The following SEMA5A variants were observed in gnomAD, a reference collection of about 807,000 sequenced individuals.
SEMA5A encodes semaphorin-5A.
Under a neutral mutation model 135.5 loss-of-function variants are expected in SEMA5A, and 55 were observed. That is an observed-to-expected ratio of 0.41 (90% CI 0.33 to 0.51). The LOEUF is 0.51. SEMA5A is among the 20% of genes least tolerant of loss of function. The pLI is 0.37. For missense variants in SEMA5A, 1,290 were observed against 1,419.9 expected, an observed-to-expected ratio of 0.91 and a Z score of 1.47; for synonymous variants, 580 against 546.5, an observed-to-expected ratio of 1.06 and a Z score of -0.85.
At chr5:9,162,564 G>GTGTATATATATATA (rs1331354641) in intron 11 of SEMA5A, among the ~76,000 whole-genome samples, 14 of 84,048 alleles carry the variant, frequency 1.7e-4, no homozygotes, top group African/African-American at 4.7e-4. Context: ...GTGTGTGTGT[G>GTGTATATATATATA]TATATATATA....
intron 5 of SEMA5A, among the ~76,000 whole-genome samples, chr5:9,267,780 G>A (rs570877464): frequency 1.0e-3 from 152 of 152,250 alleles, no homozygotes; most frequent in African/African-American, 3.5e-3. Flanking sequence ...GGGCATGGGC[G>A]AAGTGGATAA....
chr5:9,059,171 CTT>C (rs4002250), intron 18 of SEMA5A, among the ~76,000 whole-genome samples: 2 of 145,492 alleles, frequency 1.4e-5, no homozygotes, highest in African/African-American at 2.5e-5. Context: ...ATTTTCTTTT[CTT>C]TTTTTTTTTT....
intron 12 of SEMA5A, among the ~76,000 whole-genome samples, chr5:9,139,916 T>C (rs984321462): frequency 6.6e-6 from 1 of 152,214 alleles, no homozygotes; most frequent in African/African-American, 2.4e-5. Flanking sequence ...TTTGGCTCCC[T>C]ATCCTTTATC....
rs1045718626 is a variant in SEMA5A at position 9,178,059 on chromosome 5, G to C, written c.1273+12208C>G. ...ACAAAATTGATGTCTCATGGTGACA[G>C]AACTTGGATTTATTCCTCAAAAAAA... On this transcript the variant is annotated intron_variant, in intron 11 of 22. Coordinates refer to ENST00000382496, the MANE Select transcript of SEMA5A (RefSeq NM_003966.3). Among the ~76,000 whole-genome samples, 3 of 152,252 alleles carry C rather than the reference G, an allele frequency of 2.0e-5. No homozygotes were observed. The East Asian group carries it at 5.8e-4, about 29-fold the overall frequency.
chr5:9,116,838 T>C (rs567181123), intron 15 of SEMA5A, among the ~76,000 whole-genome samples: 2 of 152,334 alleles, frequency 1.3e-5, no homozygotes, highest in Admixed American at 1.3e-4. Flanking sequence ...CTTTTATATT[T>C]CTTAGGTGAA....
intron 5 of SEMA5A, among the ~76,000 whole-genome samples, chr5:9,241,184 T>C: frequency 6.6e-6 from 1 of 152,146 alleles, no homozygotes. Context: ...GATTCCTGTT[T>C]GCAGTAAGTT....
intron 15 of SEMA5A, among the ~76,000 whole-genome samples, chr5:9,112,233 A>C (rs1005268355): frequency 2.6e-5 from 4 of 152,110 alleles, no homozygotes; most frequent in African/African-American, 9.7e-5. Context: ...TAAATTATCC[A>C]CTTTTTTTCA....
intron 16 of SEMA5A, among the ~76,000 whole-genome samples, chr5:9,103,530 T>C (rs1258972442): frequency 6.6e-6 from 1 of 152,184 alleles, no homozygotes; most frequent in Non-Finnish European, 1.5e-5. Flanking sequence ...CTTTTGTATC[T>C]AGGAAATAAA....
intron 2 of SEMA5A, among the ~76,000 whole-genome samples, chr5:9,431,700 A>G (rs894028447): frequency 2.4e-4 from 37 of 152,074 alleles, no homozygotes; most frequent in African/African-American, 8.9e-4. Context: ...TGCCCTCAGG[A>G]AAGTTCTGCC....
rs1561103887 is a variant in SEMA5A at position 9,052,045 on chromosome 5, AG to A, written c.2690-18del. The A allele has an allele frequency of 6.4e-7, 1 of 1,563,648 alleles. No homozygotes were observed. The highest frequency in any genetic ancestry group is 2.3e-5 in the East Asian group (1 of 43,748). ...ACCAGCTCTCTGCAGAGACCAGAAA[AG>A]GGGAGATGGGGCGGAATGGCCAGTA... On this transcript the variant is annotated intron_variant, in intron 19 of 22. Coordinates refer to ENST00000382496, the MANE Select transcript of SEMA5A (RefSeq NM_003966.3).
intron 16 of SEMA5A, among the ~76,000 whole-genome samples, chr5:9,074,078 C>G (rs1737913730): frequency 6.6e-6 from 1 of 152,048 alleles, no homozygotes; most frequent in Admixed American, 6.6e-5. Flanking sequence ...GGAAGACATA[C>G]TTTCTAACTT....
chr5:9,351,865 T>C (rs1172355967), intron 3 of SEMA5A, among the ~76,000 whole-genome samples: 1 of 152,246 alleles, frequency 6.6e-6, no homozygotes, highest in Non-Finnish European at 1.5e-5. Context: ...TTGCATTGGC[T>C]TTCTCTGTCT....
chr5:9,185,455 C>A (rs956149298), intron 11 of SEMA5A, among the ~76,000 whole-genome samples: 1 of 152,100 alleles, frequency 6.6e-6, no homozygotes. Context: ...AACAATGATT[C>A]AAAATGTGTG....
chr5:9,068,720 T>C (rs1347142507), intron 16 of SEMA5A, among the ~76,000 whole-genome samples: 4 of 152,310 alleles, frequency 2.6e-5, no homozygotes, highest in South Asian at 2.1e-4. Context: ...TGTGGATTCC[T>C]AAGCTCTCTG....
Position 9,184,892 on chromosome 5 carries a change from C to G in SEMA5A, c.1273+5375G>C, listed in dbSNP as rs1744723182. Among the ~76,000 whole-genome samples the G allele has an allele frequency of 2.0e-5, 3 of 152,100 alleles. No individual in the cohort carries two copies. In the South Asian group the frequency reaches 6.2e-4, roughly 32 times the overall value. On this transcript the variant is annotated intron_variant, in intron 11 of 22. Coordinates refer to ENST00000382496, the MANE Select transcript of SEMA5A (RefSeq NM_003966.3). ...AGGGATGCAGAGAAGGAAGCTCAGCCCAGGCTCCCTCTTTGTTGAAGGTCT... is the reference window on the plus strand; with the variant it reads ...AGGGATGCAGAGAAGGAAGCTCAGCGCAGGCTCCCTCTTTGTTGAAGGTCT...
At chr5:9,166,492 C>A (rs534812509) in intron 11 of SEMA5A, among the ~76,000 whole-genome samples, 1 of 152,170 alleles carries the variant, frequency 6.6e-6, no homozygotes, top group Non-Finnish European at 1.5e-5. Flanking sequence ...TAAGAGTTTG[C>A]TGCTATTCTT....
At chr5:9,189,739 C>T (rs998268725) in intron 11 of SEMA5A, among the ~76,000 whole-genome samples, 11 of 152,190 alleles carry the variant, frequency 7.2e-5, no homozygotes, top group African/African-American at 2.7e-4. Flanking sequence ...CTGAAGAGAC[C>T]TAATTGTCAT....
chr5:9,439,147 G>C (rs1035810055), intron 1 of SEMA5A, among the ~76,000 whole-genome samples: 2 of 152,174 alleles, frequency 1.3e-5, no homozygotes, highest in African/African-American at 4.8e-5. Flanking sequence ...GTCCTCAAAA[G>C]TCCGTGACAT....
intron 1 of SEMA5A, among the ~76,000 whole-genome samples, chr5:9,509,298 G>C (rs1736076890): frequency 6.6e-6 from 1 of 151,554 alleles, no homozygotes; most frequent in South Asian, 2.1e-4. Context: ...TTTTGAGACA[G>C]AGTTTTGCTC....
Sources: gnomAD v4.1 joint callset for allele counts (sites outside exome capture counted in the v4.1 genomes callset) on GRCh38, gnomAD v4.1.1 for gene constraint, MANE v1.5 for transcripts, NCBI Gene and HGNC (gene_info 2026-07-23, HGNC 2026-07-21) for gene names.